Variants in PTGES observed in about 807,000 individuals in gnomAD.
PTGES encodes MGST1-like 1.
In PTGES, 3 loss-of-function variants were observed where a neutral mutation model predicts 11.8. The ratio of observed to expected loss-of-function variants is 0.25; its 90% CI spans 0.12 to 0.66. The LOEUF is 0.66. Among genes scored for constraint, PTGES ranks in the 30% least tolerant of loss-of-function variants. The probability of loss-of-function intolerance (pLI) is 0.82; values close to 1 mark genes in which losing one functional copy is unlikely to be tolerated. For synonymous variants in PTGES, 94 were observed against 90.4 expected (o/e 1.04, Z -0.22); for missense variants, 180 against 213.0 (o/e 0.85, Z 0.96).
At position 129,738,691 on chromosome 9, in the gene PTGES, G is replaced by A. The variant is rs1289666737; in HGVS notation, c.*920C>T. 1 of 152,364 alleles carries A rather than the reference G, an allele frequency of 6.6e-6. No homozygotes were observed. Among genetic ancestry groups the A allele is most frequent in the African/African-American group, 2.4e-5 (1 of 41,448 alleles). 9.4% of individuals were successfully genotyped at this position (152,364 alleles called of 1,614,324 possible). A position where few individuals can be genotyped will look rare whatever the true frequency, so the allele number is the denominator to read the frequency against. On this transcript the variant is annotated 3_prime_UTR_variant, in exon 3 of 3. Coordinates refer to ENST00000340607, the MANE Select transcript of PTGES (RefSeq NM_004878.5). This position sits in a 1 kb window ranked among gnomAD's most constrained non-coding sequence, Gnocchi z 4.2. ...ACATCCAAAGCCAACGGCAAGGGAA[G>A]CGTCAGCGGGGGCAGAGGAGCCAGC...
intron 2 of PTGES, among the ~76,000 whole-genome samples, chr9:129,747,781 G>A (rs45525337): frequency 2.6e-3 from 398 of 151,934 alleles, no homozygotes; most frequent in African/African-American, 9.3e-3. Flanking sequence ...AGGCCGAGGC[G>A]GACAGATCAT....
At chr9:129,747,676 T>C (rs529040887) in intron 2 of PTGES, among the ~76,000 whole-genome samples, 42 of 152,192 alleles carry the variant, frequency 2.8e-4, no homozygotes, top group South Asian at 1.7e-3. Context: ...TTTTGTTGCA[T>C]CCTGCGGTTT....
Position 129,739,677 on chromosome 9 carries a change from G to A in PTGES, c.393C>T (p.Thr131=). ...TGGAGGCGCAGGGGAGCTGGGCCAGGGTGTAGGTCACGGAGCGGATGGGTG... is the reference window on the plus strand; with the variant it reads ...TGGAGGCGCAGGGGAGCTGGGCCAGAGTGTAGGTCACGGAGCGGATGGGTG... ...LRAPIRSVTY[T]LAQLPCASMA... Residue 131 remains threonine (T), a synonymous_variant, in exon 3 of 3, where the codon ACC becomes ACT. Coordinates refer to ENST00000340607, the MANE Select transcript of PTGES (RefSeq NM_004878.5). This position sits in a 1 kb window ranked among gnomAD's most constrained non-coding sequence, Gnocchi z 5.7. The A allele has an allele frequency of 6.4e-7, 1 of 1,562,040 alleles. No homozygotes were observed. The highest frequency in any genetic ancestry group is 2.4e-5 in the East Asian group (1 of 41,836).
At chr9:129,741,133 G>A (rs1307235813) in intron 2 of PTGES, among the ~76,000 whole-genome samples, 1 of 152,226 alleles carries the variant, frequency 6.6e-6, no homozygotes, top group African/African-American at 2.4e-5. Flanking sequence ...TGGGGTGGGG[G>A]TGGGCAGGGA....
At chr9:129,747,485 G>A (rs576143674) in intron 2 of PTGES, among the ~76,000 whole-genome samples, 11 of 152,144 alleles carry the variant, frequency 7.2e-5, no homozygotes, top group Non-Finnish European at 1.5e-4. Context: ...GGGATGTTAA[G>A]CATATGAAAA....
chr9:129,752,030 C>T (rs763387238), intron 1 of PTGES, among the ~76,000 whole-genome samples: 3 of 152,200 alleles, frequency 2.0e-5, no homozygotes, highest in Non-Finnish European at 4.4e-5. Context: ...TGCCTTTAAT[C>T]CTGCCTGTAC....
chr9:129,749,640 A>C (rs1833084641), intron 1 of PTGES: 1 of 152,328 alleles, frequency 6.6e-6, no homozygotes, highest in Non-Finnish European at 1.5e-5. Context: ...ACAGAGCCAG[A>C]CTCTGTCTCC....
In PTGES at chr9:129,748,656, T is replaced by C; in HGVS notation, c.208A>G (p.Arg70Gly). The C allele has an allele frequency of 1.3e-6, 2 of 1,574,608 alleles. No individual in the cohort carries two copies. Among genetic ancestry groups the C allele is most frequent in the Non-Finnish European group, 1.7e-6 (2 of 1,165,768 alleles). ...AGGCCAGGGGCCCGAAGTACTTGCC[T>C]GAGGCAGCGTTCCACGTCGGGGTCG... ...RSDPDVERCLRAHRNDMETIY... is the reference protein window; with the variant it reads ...RSDPDVERCLGAHRNDMETIY... The change falls in exon 2 of 3, where the codon AGG becomes GGG. Residue 70 changes from arginine (R) to glycine (G), a missense_variant and splice_region_variant. Coordinates refer to ENST00000340607, the MANE Select transcript of PTGES (RefSeq NM_004878.5).
chr9:129,750,815 G>T (rs1465528917), intron 1 of PTGES, among the ~76,000 whole-genome samples: 1 of 152,318 alleles, frequency 6.6e-6, no homozygotes, highest in African/African-American at 2.4e-5. Context: ...TCCCCAGGCT[G>T]GTGGGTGGAG....
At chr9:129,741,248 A>T (rs1244979370) in intron 2 of PTGES, among the ~76,000 whole-genome samples, 1 of 152,230 alleles carries the variant, frequency 6.6e-6, no homozygotes, top group Non-Finnish European at 1.5e-5. Context: ...AGGTCACAAT[A>T]AGCACAGCAT....
At chr9:129,740,287 G>C (rs1832982978) in intron 2 of PTGES, among the ~76,000 whole-genome samples, 1 of 152,180 alleles carries the variant, frequency 6.6e-6, no homozygotes, top group Non-Finnish European at 1.5e-5. Flanking sequence ...ACCGAGTTCT[G>C]ACTGGAGTTT....
At chr9:129,749,965 A>C (rs2130954939) in intron 1 of PTGES, among the ~76,000 whole-genome samples, 1 of 152,346 alleles carries the variant, frequency 6.6e-6, no homozygotes, top group South Asian at 2.1e-4. Context: ...GCGCTGATTA[A>C]CCACAGGATC....
In PTGES at chr9:129,739,308, T is replaced by C. The variant is rs1387778376; in HGVS notation, c.*303A>G. On this transcript the variant is annotated 3_prime_UTR_variant, in exon 3 of 3. Transcript: ENST00000340607. The surrounding 1 kb of genome is among the most constrained non-coding windows in gnomAD (Gnocchi z 5.7). ...ACTGTTAGGGAGGGAGAGGGAGTGA[T>C]GTTTTTGATGCTCTGTTACTTTAGC... The C allele has an allele frequency of 5.7e-6, 2 of 351,588 alleles. No homozygotes were observed. The highest frequency in any genetic ancestry group is 1.0e-5 in the Non-Finnish European group (2 of 190,918). The allele number at this position is 351,588 out of a possible 1,614,324, so 21.8% of individuals were successfully genotyped here.
Position 129,748,640 on chromosome 9 carries a change from G to T in PTGES, c.209+15C>A. The T allele has an allele frequency of 6.4e-7, 1 of 1,563,090 alleles. No homozygotes were observed. Among genetic ancestry groups the T allele is most frequent in the Non-Finnish European group, 8.6e-7 (1 of 1,160,388 alleles). On this transcript the variant is annotated intron_variant, in intron 2 of 2. Transcript: ENST00000340607. ...ATGGCCAGGTGTGGCCAGGCCAGGGGCCCGAAGTACTTGCCTGAGGCAGCG... is the reference window on the plus strand; with the variant it reads ...ATGGCCAGGTGTGGCCAGGCCAGGGTCCCGAAGTACTTGCCTGAGGCAGCG...
At position 129,748,432 on chromosome 9, in the gene PTGES, G is replaced by T. The variant is rs45605431; in HGVS notation, c.209+223C>A. Among the ~76,000 whole-genome samples the T allele has an allele frequency of 9.2e-3, 1,395 of 152,256 alleles. 21 individuals are homozygous for T. Among genetic ancestry groups the T allele is most frequent in the African/African-American group, 0.032 (1,314 of 41,528 alleles). Reference sequence around the variant, plus strand: ...GGAGGGAGACTGAATGTTCACTGAAGTCACCACCTTTCTCACTTTGTAATT... The same window carrying T: ...GGAGGGAGACTGAATGTTCACTGAATTCACCACCTTTCTCACTTTGTAATT... On this transcript the variant is annotated intron_variant, in intron 2 of 2. Transcript: ENST00000340607.
chr9:129,749,615 A>C (rs1052671870), intron 1 of PTGES: 2 of 152,282 alleles, frequency 1.3e-5, no homozygotes, highest in Admixed American at 1.3e-4. Context: ...TTGCCACTGC[A>C]CTCCAGCCTG....
chr9:129,738,627 C>G lies in PTGES; in HGVS notation c.*984G>C, dbSNP rs574731851. On this transcript the variant is annotated 3_prime_UTR_variant, in exon 3 of 3. Coordinates refer to ENST00000340607, the MANE Select transcript of PTGES (RefSeq NM_004878.5). This position sits in a 1 kb window ranked among gnomAD's most constrained non-coding sequence, Gnocchi z 4.2. ...AAGGCTGAGCTTCCTGTGGGCCCCT[C>G]CCACCCACACCTGAGCCAGAGAGAA... 1 of 152,326 alleles carries G rather than the reference C, an allele frequency of 6.6e-6. No individual in the cohort carries two copies. The highest frequency in any genetic ancestry group is 2.4e-5 in the African/African-American group (1 of 41,456). 9.4% of individuals were successfully genotyped at this position (152,326 alleles called of 1,614,324 possible).
intron 2 of PTGES, among the ~76,000 whole-genome samples, chr9:129,746,656 C>T (rs1308410002): frequency 6.6e-6 from 1 of 152,142 alleles, no homozygotes; most frequent in Non-Finnish European, 1.5e-5. Flanking sequence ...CACCCATTTC[C>T]GCCTGTGATG....
In PTGES at chr9:129,749,150, G is replaced by A. The variant is rs754194731; in HGVS notation, c.127-413C>T. ...CTCACACCAGTAATCCCAGCACTTC[G>A]GAAGGCCAAGGCAGGGGGATTGCTT... is the stretch of plus-strand genomic sequence containing the variant. On this transcript the variant is annotated intron_variant, in intron 1 of 2. Transcript: ENST00000340607. Among the ~76,000 whole-genome samples, 94 of 152,322 alleles carry A rather than the reference G, an allele frequency of 6.2e-4. 2 individuals carry two copies. The highest frequency in any genetic ancestry group is 3.4e-3 in the Middle Eastern group (1 of 294).
Sources: allele counts gnomAD v4.1 joint callset (sites outside exome capture counted in the v4.1 genomes callset), GRCh38; gene constraint gnomAD v4.1.1; non-coding constraint Gnocchi (gnomAD v3.1); transcripts MANE v1.5; gene names NCBI Gene and HGNC (gene_info 2026-07-23, HGNC 2026-07-21).